Variants in TENM3 observed in about 807,000 individuals in gnomAD.
TENM3 encodes the protein teneurin-3.
TENM3 carries 63 observed loss-of-function variants against 255.1 expected under a neutral mutation model. The observed-to-expected ratio is 0.25, with a 90% CI of 0.20 to 0.30. The LOEUF (loss-of-function observed/expected upper bound fraction) is 0.30, where lower values mean the gene tolerates loss of function less well. Among genes scored for constraint, TENM3 ranks in the 10% least tolerant of loss-of-function variants. The pLI is 1.00. For synonymous variants in TENM3, 1,306 were observed against 1,322.3 expected (o/e 0.99, Z 0.27); for missense variants, 2,929 against 3,461.1 (o/e 0.85, Z 3.86).
the TENM3 span, among the ~76,000 whole-genome samples, chr4:181,495,902 TAAAAAAA>T: frequency 4.3e-5 from 5 of 116,852 alleles, no homozygotes; most frequent in South Asian, 2.9e-4. Flanking sequence ...AGAGACAAAT[TAAAAAAA>T]AAAAAAAAAA....
chr4:181,851,060 C>T, the TENM3 span, among the ~76,000 whole-genome samples: 1 of 152,082 alleles, frequency 6.6e-6, no homozygotes, highest in Non-Finnish European at 1.5e-5. Context: ...TCCAAGTGAT[C>T]GGAAACCCAC....
chr4:182,424,217 C>T (rs1030185077), intron 3 of TENM3, among the ~76,000 whole-genome samples: 2 of 152,138 alleles, frequency 1.3e-5, no homozygotes, highest in Non-Finnish European at 2.9e-5. Flanking sequence ...ATTTAAAACA[C>T]ATACACATTA....
intron 1 of TENM3, among the ~76,000 whole-genome samples, chr4:182,251,816 A>G (rs1295522427): frequency 2.6e-5 from 4 of 152,194 alleles, no homozygotes; most frequent in Non-Finnish European, 5.9e-5. Context: ...GGTGACTGTA[A>G]ATGAGATCTA....
chr4:181,946,811 G>A, the TENM3 span, among the ~76,000 whole-genome samples: 1 of 152,050 alleles, frequency 6.6e-6, no homozygotes, highest in African/African-American at 2.4e-5. Flanking sequence ...GAAGGCAGTG[G>A]GTATAAAAAA....
intron 3 of TENM3, among the ~76,000 whole-genome samples, chr4:182,379,102 G>T (rs1289978550): frequency 6.6e-6 from 1 of 152,222 alleles, no homozygotes; most frequent in Admixed American, 6.5e-5. Context: ...CAAGGGCCAG[G>T]CTTGGTGGCT....
At chr4:182,044,269 AGAAAG>A in the TENM3 span, among the ~76,000 whole-genome samples, 1 of 152,224 alleles carries the variant, frequency 6.6e-6, no homozygotes, top group Admixed American at 6.5e-5. Flanking sequence ...ACCAACAAAA[AGAAAG>A]GAAAGAACTT....
At chr4:182,251,675 G>A (rs189663163) in intron 1 of TENM3, among the ~76,000 whole-genome samples, 36 of 152,294 alleles carry the variant, frequency 2.4e-4, no homozygotes, top group Admixed American at 9.8e-4. Flanking sequence ...CCTCCTCGAG[G>A]TGTAAGTGCT....
At chr4:181,575,426 T>C in the TENM3 span, among the ~76,000 whole-genome samples, 4 of 152,124 alleles carry the variant, frequency 2.6e-5, no homozygotes, top group African/African-American at 9.7e-5. Flanking sequence ...CTAAATAGAA[T>C]TGGACCCATC....
intron 4 of TENM3, among the ~76,000 whole-genome samples, chr4:182,619,373 G>A (rs968537163): frequency 1.3e-5 from 2 of 151,910 alleles, no homozygotes; most frequent in Non-Finnish European, 2.9e-5. Context: ...AGTGGTTGCG[G>A]TGAGCCGAGA....
Position 182,392,298 on chromosome 4 carries a change from C to T in TENM3, c.511+45369C>T, listed in dbSNP as rs76813844. 1.9e-3 allele frequency among the ~76,000 whole-genome samples: 287 copies of T among 152,240 alleles called. 9 individuals carry two copies. The East Asian group carries it at 0.05, about 27-fold the overall frequency. On this transcript the variant is annotated intron_variant, in intron 3 of 27. Transcript: ENST00000511685. ...TGGTATCACCGGGGAGAGGGAAAAC[C>T]GAAATCTGTTGAATCGCTTTAACTG...
At chr4:182,577,238 G>C (rs991456619) in intron 3 of TENM3, among the ~76,000 whole-genome samples, 4 of 152,202 alleles carry the variant, frequency 2.6e-5, no homozygotes, top group Non-Finnish European at 4.4e-5. Context: ...CTGTATATCT[G>C]TATGCTCAAA....
chr4:181,569,687 C>T, the TENM3 span, among the ~76,000 whole-genome samples: 1 of 152,064 alleles, frequency 6.6e-6, no homozygotes, highest in African/African-American at 2.4e-5. Flanking sequence ...TGTGATTTAG[C>T]CAGCCAATGA....
the TENM3 span, among the ~76,000 whole-genome samples, chr4:181,456,843 A>C: frequency 6.7e-6 from 1 of 149,104 alleles, no homozygotes; most frequent in East Asian, 1.9e-4. Flanking sequence ...GCAAGTCTAC[A>C]TTCTCTAACT....
the TENM3 span, among the ~76,000 whole-genome samples, chr4:181,657,143 T>C: frequency 6.6e-6 from 1 of 152,178 alleles, no homozygotes. Flanking sequence ...GAGAGCAGCT[T>C]AGAGGACCAG....
chr4:181,873,646 A>G, the TENM3 span, among the ~76,000 whole-genome samples: 1 of 152,136 alleles, frequency 6.6e-6, no homozygotes, highest in Non-Finnish European at 1.5e-5. Flanking sequence ...TTATTTAGAC[A>G]TTCTATTTTA....
At chr4:181,858,608 G>A in the TENM3 span, among the ~76,000 whole-genome samples, 1 of 152,208 alleles carries the variant, frequency 6.6e-6, no homozygotes, top group Non-Finnish European at 1.5e-5. Context: ...TTGCAGAACA[G>A]GTAATCCTAC....
the TENM3 span, among the ~76,000 whole-genome samples, chr4:181,447,661 A>G: frequency 6.6e-6 from 1 of 152,068 alleles, no homozygotes; most frequent in Non-Finnish European, 1.5e-5. Flanking sequence ...GGTGGCCACT[A>G]TCCTTTGCCT....
At chr4:182,722,078 T>G (rs1759781561) in intron 13 of TENM3, among the ~76,000 whole-genome samples, 1 of 152,202 alleles carries the variant, frequency 6.6e-6, no homozygotes, top group Non-Finnish European at 1.5e-5. Flanking sequence ...GAGGTTTATC[T>G]TTTTAGTCGT....
the TENM3 span, among the ~76,000 whole-genome samples, chr4:181,619,675 C>A: frequency 1.7e-3 from 265 of 152,094 alleles, no homozygotes; most frequent in African/African-American, 5.9e-3. Flanking sequence ...GCAATCCTCT[C>A]GCCTCAGCCT....
Sources: gnomAD v4.1 joint callset for allele counts (sites outside exome capture counted in the v4.1 genomes callset) on GRCh38, gnomAD v4.1.1 for gene constraint, MANE v1.5 for transcripts, NCBI Gene and HGNC (gene_info 2026-07-23, HGNC 2026-07-21) for gene names.